Variants in DIPK1A observed in about 807,000 individuals in gnomAD.
DIPK1A encodes family with sequence similarity 69 member A.
Under a neutral mutation model 40.8 loss-of-function variants are expected in DIPK1A, and 27 were observed. The ratio of observed to expected loss-of-function variants is 0.66; its 90% CI spans 0.49 to 0.91. The LOEUF (loss-of-function observed/expected upper bound fraction) is 0.91. DIPK1A is among the 40% of genes least tolerant of loss of function. DIPK1A has a pLI of 0.00. For missense variants in DIPK1A, 412 were observed against 505.7 expected (o/e 0.81, Z 1.78); for synonymous variants, 166 against 171.3 (o/e 0.97, Z 0.24).
chr1:92,861,807 G>A (rs1647284170), intron 2 of DIPK1A, among the ~76,000 whole-genome samples: 1 of 151,386 alleles, frequency 6.6e-6, no homozygotes, highest in Non-Finnish European at 1.5e-5. Context: ...TTTGAGACAG[G>A]GTCTCACTCT....
At chr1:92,841,907 A>G, downstream of DIPK1A, 1 of 1,401,556 alleles carries the variant, frequency 7.1e-7, no homozygotes, top group Non-Finnish European at 1.0e-6. Context: ...TAGATAATAA[A>G]CTTATGAACA....
At chr1:92,882,008 AAC>A (rs1204162699) in intron 1 of DIPK1A, among the ~76,000 whole-genome samples, 2 of 152,220 alleles carry the variant, frequency 1.3e-5, no homozygotes, top group African/African-American at 2.4e-5. Context: ...GTAAAATATT[AAC>A]ACAGAATTAC....
At chr1:92,833,354 C>T (rs779636137) in intron 4 of DIPK1A, 2 of 1,511,876 alleles carry the variant, frequency 1.3e-6, no homozygotes, top group Non-Finnish European at 9.2e-7. Context: ...TAGGCTAAGA[C>T]ATCAAAGTTT....
chr1:92,961,112 G>A, intron 1 of DIPK1A, among the ~76,000 whole-genome samples: 1 of 152,030 alleles, frequency 6.6e-6, no homozygotes, highest in Non-Finnish European at 1.5e-5. Flanking sequence ...AGGATGCGAG[G>A]GCGTACCCGG....
rs1047888817 is a variant in DIPK1A, at chr1:92,952,738, C to T, written c.54+8638G>A. On this transcript the variant is annotated intron_variant, in intron 1 of 4. Transcript: ENST00000370310. ...TATGTAATCCATTTTCAAATTTCCC[C>T]GTAATCTAAAAAAAATCCTTTATGG... is the stretch of plus-strand genomic sequence containing the variant. Among the ~76,000 whole-genome samples the T allele has an allele frequency of 1.1e-4, 17 of 151,700 alleles. No individual in the cohort carries two copies. In the East Asian group the frequency reaches 1.7e-3, roughly 16 times the overall value.
chr1:92,834,664 T>A, intron 4 of DIPK1A: 1 of 1,405,480 alleles, frequency 7.1e-7, no homozygotes. Flanking sequence ...CTTAAGCATT[T>A]TAAGTGATGT....
Position 92,844,033 on chromosome 1 carries a change from C to T in DIPK1A, c.637G>A (p.Glu213Lys). Residue 213 changes from glutamate (E) to lysine (K), a missense_variant, in exon 5 of 5, where the codon GAA becomes AAA. Glu to Lys is a moderately conservative substitution (Grantham distance 56). Transcript: ENST00000370310. ...FLLMVILQDK[E>K]HTPKLMGFCG... ...AATCCCATTAATTTGGGGGTATGTTCTTTATCTTGAAGTATCACCATGAGA... is the reference window on the plus strand; with the variant it reads ...AATCCCATTAATTTGGGGGTATGTTTTTTATCTTGAAGTATCACCATGAGA... 6.4e-7 allele frequency: 1 copy of T among 1,552,144 alleles called. No homozygotes were observed. The highest frequency in any genetic ancestry group is 1.4e-5 in the African/African-American group (1 of 73,166).
chr1:92,943,431 G>C (rs1294466507), intron 1 of DIPK1A, among the ~76,000 whole-genome samples: 1 of 152,148 alleles, frequency 6.6e-6, no homozygotes, highest in Admixed American at 6.5e-5. Flanking sequence ...ACAGGTACAA[G>C]GGAGGGCAGG....
At chr1:92,908,007 TCAAGTAGGAGCCC>T (rs1443041182) in intron 1 of DIPK1A, among the ~76,000 whole-genome samples, 1 of 152,030 alleles carries the variant, frequency 6.6e-6, no homozygotes, top group East Asian at 1.9e-4. Context: ...GAGGAAGAAA[TCAAGTAGGAGCCC>T]CAAGTTTCTG....
At chr1:92,887,254 T>TAA (rs60399090) in intron 1 of DIPK1A, among the ~76,000 whole-genome samples, 2,297 of 106,830 alleles carry the variant, frequency 0.022, 71 homozygotes, top group African/African-American at 0.056. Flanking sequence ...CCATCTCTAC[T>TAA]AAAAAAAAAA....
At chr1:92,936,933 A>G (rs1340769035) in intron 1 of DIPK1A, among the ~76,000 whole-genome samples, 1 of 152,196 alleles carries the variant, frequency 6.6e-6, no homozygotes, top group East Asian at 1.9e-4. Flanking sequence ...ATACCCTTAC[A>G]TGCAATTCAC....
chr1:92,839,588 A>T (rs1269621094), downstream of DIPK1A, among the ~76,000 whole-genome samples: 3 of 152,148 alleles, frequency 2.0e-5, no homozygotes, highest in African/African-American at 7.2e-5. Context: ...TGACAGATGA[A>T]TTTGCTTGTT....
intron 4 of DIPK1A, chr1:92,836,899 TG>T (rs986194356): frequency 5.5e-4 from 115 of 208,070 alleles, no homozygotes; most frequent in African/African-American, 2.6e-3. Flanking sequence ...TGATATTTTT[TG>T]TTGTTGAGTC....
intron 2 of DIPK1A, among the ~76,000 whole-genome samples, chr1:92,870,188 A>G (rs1334237289): frequency 6.6e-6 from 1 of 152,072 alleles, no homozygotes; most frequent in Non-Finnish European, 1.5e-5. Flanking sequence ...TTTACTTTCA[A>G]CATCTTCATA....
downstream of DIPK1A, chr1:92,842,072 T>C: frequency 2.5e-6 from 2 of 795,974 alleles, no homozygotes; most frequent in Non-Finnish European, 3.5e-6. Flanking sequence ...CTTGGGCTTC[T>C]GTTTTACCTG....
downstream of DIPK1A, among the ~76,000 whole-genome samples, chr1:92,841,107 A>G (rs1011592025): frequency 6.6e-5 from 10 of 152,256 alleles, no homozygotes; most frequent in African/African-American, 1.9e-4. Context: ...TTCTATATTC[A>G]TCATGCTGTG....
rs142188751 is a variant in DIPK1A, at chr1:92,952,940, C to G, written c.54+8436G>C. On this transcript the variant is annotated intron_variant, in intron 1 of 4. Coordinates refer to ENST00000370310, the MANE Select transcript of DIPK1A (RefSeq NM_001006605.5). ...AATAGTCTATGACTCTGATACTATG[C>G]TACATCTGAAATGGATGTACTAATT... 3.2e-3 allele frequency among the ~76,000 whole-genome samples: 494 copies of G among 152,206 alleles called. 5 individuals are homozygous for G. Among genetic ancestry groups the G allele is most frequent in the African/African-American group, 0.011 (462 of 41,534 alleles).
chr1:92,880,121 C>T (rs1459197033), intron 1 of DIPK1A, among the ~76,000 whole-genome samples: 13 of 152,164 alleles, frequency 8.5e-5, no homozygotes, highest in Admixed American at 8.5e-4. Context: ...AGAGATGCTG[C>T]TAAACATCCT....
chr1:92,838,537 C>T (rs901171329), downstream of DIPK1A, among the ~76,000 whole-genome samples: 1 of 152,210 alleles, frequency 6.6e-6, no homozygotes, highest in African/African-American at 2.4e-5. Context: ...TATGTGCCTT[C>T]CTTCAGCTAG....
Sources: gnomAD v4.1 joint callset for allele counts (sites outside exome capture counted in the v4.1 genomes callset) on GRCh38, gnomAD v4.1.1 for gene constraint, MANE v1.5 for transcripts, NCBI Gene and HGNC (gene_info 2026-07-23, HGNC 2026-07-21) for gene names.